Variants in KCNQ3 observed in about 807,000 individuals in gnomAD.
KCNQ3 encodes the protein potassium voltage-gated channel subfamily KQT member 3.
KCNQ3 carries 30 observed loss-of-function variants against 92.5 expected under a neutral mutation model. The observed-to-expected ratio is 0.32, with a 90% CI of 0.24 to 0.44. The LOEUF (loss-of-function observed/expected upper bound fraction) is 0.44. KCNQ3 is among the 20% of genes least tolerant of loss of function. KCNQ3 has a pLI of 1.00. For missense variants in KCNQ3, 913 were observed against 1,140.3 expected, an observed-to-expected ratio of 0.80 and a Z score of 2.87; for synonymous variants, 450 against 468.8, an observed-to-expected ratio of 0.96 and a Z score of 0.52.
At chr8:132,176,754 G>A (rs1278023618) in intron 4 of KCNQ3, among the ~76,000 whole-genome samples, 2 of 152,192 alleles carry the variant, frequency 1.3e-5, no homozygotes, top group Non-Finnish European at 2.9e-5. Flanking sequence ...TTTTCTAGAT[G>A]TTTGCTCCCC....
chr8:132,170,436 G>C lies in KCNQ3; in HGVS notation c.1141-8C>G. The C allele has an allele frequency of 6.3e-7, 1 of 1,599,810 alleles. No individual in the cohort carries two copies. The highest frequency in any genetic ancestry group is 8.6e-7 in the Non-Finnish European group (1 of 1,167,396). Reference sequence around the variant, plus strand: ...ATAATACCTCCAGGCAGCCTGAGGGGCAGAAAAGAGGGGCAACAATGAGTG... The same window carrying C: ...ATAATACCTCCAGGCAGCCTGAGGGCCAGAAAAGAGGGGCAACAATGAGTG... On this transcript the variant is annotated splice_region_variant and splice_polypyrimidine_tract_variant and intron_variant, in intron 7 of 14. Transcript: ENST00000388996.
At chr8:132,405,577 G>T (rs758569898) in intron 1 of KCNQ3, among the ~76,000 whole-genome samples, 1 of 152,182 alleles carries the variant, frequency 6.6e-6, no homozygotes, top group Admixed American at 6.5e-5. Flanking sequence ...TCAGTGTCAG[G>T]GGCTGTGCTG....
At chr8:132,297,776 G>A (rs532006374) in intron 1 of KCNQ3, among the ~76,000 whole-genome samples, 2 of 81,840 alleles carry the variant, frequency 2.4e-5, no homozygotes, top group East Asian at 6.5e-4. Context: ...CTCTCCTTTC[G>A]CAGCCACCCA....
intron 1 of KCNQ3, among the ~76,000 whole-genome samples, chr8:132,422,912 T>C (rs1416697609): frequency 6.6e-6 from 1 of 151,906 alleles, no homozygotes; most frequent in East Asian, 1.9e-4. Context: ...AACACAGCCA[T>C]GGAACAGCAC....
At chr8:132,459,907 T>C (rs1822024196) in intron 1 of KCNQ3, among the ~76,000 whole-genome samples, 1 of 152,184 alleles carries the variant, frequency 6.6e-6, no homozygotes, top group Non-Finnish European at 1.5e-5. Context: ...TTATTTGTTA[T>C]ATATCAGTAT....
intron 1 of KCNQ3, among the ~76,000 whole-genome samples, chr8:132,471,457 G>A (rs1157958862): frequency 6.6e-6 from 1 of 152,158 alleles, no homozygotes; most frequent in East Asian, 1.9e-4. Flanking sequence ...TTGCAAGAAG[G>A]CAGCAGATTA....
intron 1 of KCNQ3, among the ~76,000 whole-genome samples, chr8:132,401,941 C>T (rs1312260955): frequency 1.4e-5 from 2 of 144,334 alleles, no homozygotes; most frequent in Non-Finnish European, 3.1e-5. Flanking sequence ...GGACACTGAA[C>T]ACTTCTGAGT....
intron 1 of KCNQ3, among the ~76,000 whole-genome samples, chr8:132,430,192 C>G (rs1821212692): frequency 6.6e-6 from 1 of 152,150 alleles, no homozygotes; most frequent in Non-Finnish European, 1.5e-5. Context: ...AGATTTCCAC[C>G]CAGATCTTCC....
At chr8:132,235,492 C>T (rs922472244) in intron 1 of KCNQ3, among the ~76,000 whole-genome samples, 4 of 152,062 alleles carry the variant, frequency 2.6e-5, no homozygotes, top group Non-Finnish European at 4.4e-5. Context: ...CAGAGTGAGA[C>T]GCCATCTCAA....
intron 1 of KCNQ3, among the ~76,000 whole-genome samples, chr8:132,392,663 T>C (rs1410030347): frequency 1.3e-5 from 2 of 151,898 alleles, no homozygotes; most frequent in Non-Finnish European, 2.9e-5. Flanking sequence ...TAGCTGGGCA[T>C]GGTGGCACAC....
chr8:132,362,374 C>A (rs537846647), intron 1 of KCNQ3, among the ~76,000 whole-genome samples: 2 of 152,128 alleles, frequency 1.3e-5, no homozygotes, highest in Admixed American at 1.3e-4. Flanking sequence ...AAATTCAAAG[C>A]GTGCCTTAAG....
intron 9 of KCNQ3, among the ~76,000 whole-genome samples, chr8:132,155,169 C>T (rs561978960): frequency 2.0e-5 from 3 of 152,304 alleles, no homozygotes; most frequent in South Asian, 4.1e-4. Flanking sequence ...TCAGCTGACA[C>T]ATCTGCTCCT....
At chr8:132,277,687 C>T (rs770757565) in intron 1 of KCNQ3, among the ~76,000 whole-genome samples, 4 of 152,096 alleles carry the variant, frequency 2.6e-5, no homozygotes, top group African/African-American at 7.2e-5. Flanking sequence ...TGGATGAGTT[C>T]GCAGACTCGC....
At chr8:132,429,471 C>T (rs1220577908) in intron 1 of KCNQ3, among the ~76,000 whole-genome samples, 3 of 152,174 alleles carry the variant, frequency 2.0e-5, no homozygotes, top group South Asian at 2.1e-4. Context: ...TCCATCCATC[C>T]AATACATGCA....
intron 1 of KCNQ3, among the ~76,000 whole-genome samples, chr8:132,333,240 G>T (rs1410421865): frequency 6.6e-6 from 1 of 152,146 alleles, no homozygotes; most frequent in African/African-American, 2.4e-5. Flanking sequence ...ACCCCTCTAA[G>T]TCCTGCAGGT....
intron 1 of KCNQ3, among the ~76,000 whole-genome samples, chr8:132,384,131 C>A (rs944084431): frequency 6.6e-6 from 1 of 152,122 alleles, no homozygotes; most frequent in African/African-American, 2.4e-5. Flanking sequence ...TAAGACCTGC[C>A]CTCTGACTCA....
At chr8:132,262,992 GC>G (rs1480602492) in intron 1 of KCNQ3, among the ~76,000 whole-genome samples, 1 of 152,184 alleles carries the variant, frequency 6.6e-6, no homozygotes, top group Non-Finnish European at 1.5e-5. Flanking sequence ...GAGGAATTGA[GC>G]AACGGTCCCA....
At chr8:132,400,205 T>C (rs1228742937) in intron 1 of KCNQ3, among the ~76,000 whole-genome samples, 1 of 152,154 alleles carries the variant, frequency 6.6e-6, no homozygotes, top group African/African-American at 2.4e-5. Context: ...GTGCCTCTTG[T>C]CTGGAATCTG....
chr8:132,261,834 C>T lies in KCNQ3; in HGVS notation c.387-75653G>A, dbSNP rs1287204960. Among the ~76,000 whole-genome samples the T allele has an allele frequency of 2.0e-5, 3 of 152,120 alleles. No homozygotes were observed. In the South Asian group the frequency reaches 6.2e-4, roughly 31 times the overall value. On this transcript the variant is annotated intron_variant, in intron 1 of 14. Coordinates refer to ENST00000388996, the MANE Select transcript of KCNQ3 (RefSeq NM_004519.4). ...AGAATAAAATTATTGCGTGTAGTAA[C>T]AAGGCTGGAACTACAGTGAGGTAAA...
Sources: gnomAD v4.1 joint callset for allele counts (sites outside exome capture counted in the v4.1 genomes callset) on GRCh38, gnomAD v4.1.1 for gene constraint, MANE v1.5 for transcripts, NCBI Gene and HGNC (gene_info 2026-07-23, HGNC 2026-07-21) for gene names.